The following GPR39 variants were observed in gnomAD, a reference collection of about 807,000 sequenced individuals.
GPR39 encodes G protein-coupled receptor 39.
Under a neutral mutation model 18.4 loss-of-function variants are expected in GPR39, and 23 were observed. The observed-to-expected ratio is 1.25, with a 90% CI of 0.90 to 1.77. GPR39 has a LOEUF of 1.77. Ranked by LOEUF, GPR39 falls within the 40% of genes most tolerant of loss-of-function variation. The pLI, the probability that GPR39 is intolerant of heterozygous loss-of-function variation, is 0.00. For missense variants in GPR39, 647 were observed against 602.4 expected (o/e 1.07, Z -0.78); for synonymous variants, 280 against 257.9 (o/e 1.09, Z -0.82).
In GPR39 at chr2:132,645,845, C is replaced by T. The variant is rs1406328739; in HGVS notation, c.*239C>T. 3.0e-6 allele frequency: 2 copies of T among 669,986 alleles called. No homozygotes were observed. The highest frequency in any genetic ancestry group is 4.9e-6 in the Non-Finnish European group (2 of 407,162). 41.5% of individuals were successfully genotyped at this position (669,986 alleles called of 1,614,324 possible). A position where few individuals can be genotyped will look rare whatever the true frequency, so the allele number is the denominator to read the frequency against. On this transcript the variant is annotated 3_prime_UTR_variant, in exon 2 of 2. Transcript: ENST00000329321. ...TCCACCTCCTTCCTTCAAGTACATA[C>T]TGAAAATTCAGTCAGGCTGAATTTA...
chr2:132,531,067 T>C (rs1679615198), intron 1 of GPR39, among the ~76,000 whole-genome samples: 1 of 152,134 alleles, frequency 6.6e-6, no homozygotes, highest in African/African-American at 2.4e-5. Flanking sequence ...GCAAATTGGA[T>C]AAAGAGTCAA....
At chr2:132,536,009 C>CAGA (rs771176685) in intron 1 of GPR39, among the ~76,000 whole-genome samples, 1 of 140,126 alleles carries the variant, frequency 7.1e-6, no homozygotes, top group Non-Finnish European at 1.5e-5. Context: ...TTAATTTTTT[C>CAGA]AAAAAAAAAA....
intron 1 of GPR39, among the ~76,000 whole-genome samples, chr2:132,603,728 T>G (rs1681087052): frequency 6.6e-6 from 1 of 152,088 alleles, no homozygotes; most frequent in African/African-American, 2.4e-5. Context: ...GCGAAATGGG[T>G]TACTAAAATC....
chr2:132,463,869 A>G (rs1197221019), intron 1 of GPR39, among the ~76,000 whole-genome samples: 1 of 152,242 alleles, frequency 6.6e-6, no homozygotes, highest in Non-Finnish European at 1.5e-5. Context: ...AGATGGGCTC[A>G]TTCACTTGTT....
chr2:132,463,584 G>T (rs370977719), intron 1 of GPR39, among the ~76,000 whole-genome samples: 37 of 152,120 alleles, frequency 2.4e-4, no homozygotes, highest in African/African-American at 8.9e-4. Flanking sequence ...GAGAAGAGAG[G>T]CAAGAAAAAG....
intron 1 of GPR39, among the ~76,000 whole-genome samples, chr2:132,607,418 T>C (rs564897991): frequency 6.6e-6 from 1 of 151,894 alleles, no homozygotes; most frequent in East Asian, 1.9e-4. Flanking sequence ...GGGAGGAGAG[T>C]AGGTGGGGTA....
chr2:132,645,089 G>T lies in GPR39; in HGVS notation c.857-12G>T. ...TTTTCTCTGTCTCTCCCTCCTGCTCGTGTCTGCCCAGGGCTGATTGTTGTG... is the reference window on the plus strand; with the variant it reads ...TTTTCTCTGTCTCTCCCTCCTGCTCTTGTCTGCCCAGGGCTGATTGTTGTG... On this transcript the variant is annotated splice_polypyrimidine_tract_variant and intron_variant, in intron 1 of 1. Coordinates refer to ENST00000329321, the MANE Select transcript of GPR39 (RefSeq NM_001508.3). 1 of 1,600,296 alleles carries T rather than the reference G, an allele frequency of 6.2e-7. No individual in the cohort carries two copies. The highest frequency in any genetic ancestry group is 8.5e-7 in the Non-Finnish European group (1 of 1,171,798).
In GPR39 at chr2:132,646,156, AAG is replaced by A. The variant is rs1438878379; in HGVS notation, c.*553_*554del. On this transcript the variant is annotated 3_prime_UTR_variant, in exon 2 of 2. Coordinates refer to ENST00000329321, the MANE Select transcript of GPR39 (RefSeq NM_001508.3). Reference sequence around the variant, plus strand: ...TTTTCTTGGGCCTTGGCCCGTTACAAAGAGGGGTGTTGCAGCAGCTGATGCAA... The same window carrying A: ...TTTTCTTGGGCCTTGGCCCGTTACAAAGGGGTGTTGCAGCAGCTGATGCAA... The A allele has an allele frequency of 2.5e-6, 4 of 1,612,098 alleles. No homozygotes were observed. The highest frequency in any genetic ancestry group is 8.5e-7 in the Non-Finnish European group (1 of 1,178,876).
At chr2:132,550,118 C>T (rs1573661153) in intron 1 of GPR39, among the ~76,000 whole-genome samples, 1 of 152,306 alleles carries the variant, frequency 6.6e-6, no homozygotes, top group South Asian at 2.1e-4. Flanking sequence ...TGATAAAACA[C>T]TGCAGCCCGG....
At chr2:132,637,453 T>A (rs1558866958) in intron 1 of GPR39, among the ~76,000 whole-genome samples, 1 of 152,200 alleles carries the variant, frequency 6.6e-6, no homozygotes, top group Non-Finnish European at 1.5e-5. Flanking sequence ...GGAACAAGGA[T>A]GAGACATCAA....
intron 1 of GPR39, among the ~76,000 whole-genome samples, chr2:132,616,919 G>C (rs1681346216): frequency 6.6e-6 from 1 of 152,210 alleles, no homozygotes; most frequent in Non-Finnish European, 1.5e-5. Context: ...CTGTTGAGCT[G>C]GATGCTCCTT....
chr2:132,644,125 C>T (rs1190396927), intron 1 of GPR39, among the ~76,000 whole-genome samples: 1 of 152,198 alleles, frequency 6.6e-6, no homozygotes, highest in African/African-American at 2.4e-5. Flanking sequence ...TAACTAAACT[C>T]TCATGATACC....
intron 1 of GPR39, among the ~76,000 whole-genome samples, chr2:132,508,437 C>T (rs1679175992): frequency 6.6e-6 from 1 of 152,046 alleles, no homozygotes; most frequent in African/African-American, 2.4e-5. Context: ...TGAGCTCTAG[C>T]TGGGTGGGTT....
At chr2:132,439,917 C>T (rs527965419) in intron 1 of GPR39, among the ~76,000 whole-genome samples, 1 of 152,286 alleles carries the variant, frequency 6.6e-6, no homozygotes, top group South Asian at 2.1e-4. Flanking sequence ...ATGCCCACTT[C>T]CTATGGGGCT....
chr2:132,646,286 A>C lies in GPR39; in HGVS notation c.*680A>C. 6.8e-7 allele frequency: 1 copy of C among 1,477,834 alleles called. No homozygotes were observed. The highest frequency in any genetic ancestry group is 9.0e-7 in the Non-Finnish European group (1 of 1,107,426). The allele number at this position is 1,477,834 out of a possible 1,614,324, so 91.5% of individuals were successfully genotyped here. A position where few individuals can be genotyped will look rare whatever the true frequency, so the allele number is the denominator to read the frequency against. ...GGACTTGCGGTACATGATCCCTGTAACACAGACCCAAAGGAGCTGAGTTAA... is the reference window on the plus strand; with the variant it reads ...GGACTTGCGGTACATGATCCCTGTACCACAGACCCAAAGGAGCTGAGTTAA... On this transcript the variant is annotated 3_prime_UTR_variant, in exon 2 of 2. Transcript: ENST00000329321.
At chr2:132,423,647 A>G (rs771359882) in intron 1 of GPR39, among the ~76,000 whole-genome samples, 1 of 152,060 alleles carries the variant, frequency 6.6e-6, no homozygotes, top group African/African-American at 2.4e-5. Context: ...CCCCAGGTTA[A>G]TATCTTTCTC....
chr2:132,625,055 G>C (rs1351796158), intron 1 of GPR39, among the ~76,000 whole-genome samples: 1 of 150,486 alleles, frequency 6.6e-6, no homozygotes, highest in Non-Finnish European at 1.5e-5. Flanking sequence ...CAGTGTACGG[G>C]AGTTCTAGGT....
At chr2:132,518,829 C>T (rs1000263941) in intron 1 of GPR39, among the ~76,000 whole-genome samples, 3 of 152,128 alleles carry the variant, frequency 2.0e-5, no homozygotes, top group African/African-American at 7.2e-5. Flanking sequence ...AGTTTTCATT[C>T]TTTCTGTTTT....
intron 1 of GPR39, among the ~76,000 whole-genome samples, chr2:132,608,427 C>T (rs978401280): frequency 6.6e-6 from 1 of 152,216 alleles, no homozygotes; most frequent in African/African-American, 2.4e-5. Context: ...ATTGTGTCAG[C>T]TCCTTGCTGT....
Sources: allele counts gnomAD v4.1 joint callset (sites outside exome capture counted in the v4.1 genomes callset), GRCh38; gene constraint gnomAD v4.1.1; transcripts MANE v1.5; gene names NCBI Gene and HGNC (gene_info 2026-07-23, HGNC 2026-07-21).